Variants in VPS18 observed in about 807,000 individuals in gnomAD.
VPS18 encodes VPS18 core subunit of CORVET and HOPS complexes.
VPS18 carries 25 observed loss-of-function variants against 82.0 expected under a neutral mutation model. The ratio of observed to expected loss-of-function variants is 0.30; its 90% CI spans 0.22 to 0.43. The LOEUF (loss-of-function observed/expected upper bound fraction) is 0.43. Among genes scored for constraint, VPS18 ranks in the 20% least tolerant of loss-of-function variants. VPS18 has a pLI of 1.00. For synonymous variants in VPS18, 523 were observed against 543.0 expected (o/e 0.96, Z 0.51); for missense variants, 1,168 against 1,311.1 (o/e 0.89, Z 1.69).
intron 1 of VPS18, 146 bp downstream of exon 1, chr15:40,895,005 G>A: frequency 2.5e-6 from 2 of 801,600 alleles, no homozygotes; most frequent in Non-Finnish European, 3.7e-6. Context: ...AGGCTCTCTT[G>A]GCCCCCAGCT....
chr15:40,895,969 G>A lies in VPS18; in HGVS notation c.123G>A (p.Val41=). 2 of 1,614,168 alleles carry A rather than the reference G, an allele frequency of 1.2e-6. No homozygotes were observed. The highest frequency in any genetic ancestry group is 1.7e-5 in the Admixed American group (1 of 60,014). ...GYVNAQLEKE[V]PIFTKQRIDF... Reference sequence around the variant, plus strand: ...TGAATGCCCAGCTGGAGAAGGAAGTGCCCATCTTCACAAAGCAGCGCATTG... The same window carrying A: ...TGAATGCCCAGCTGGAGAAGGAAGTACCCATCTTCACAAAGCAGCGCATTG... Residue 41 remains valine (V), a synonymous_variant, in exon 2 of 5, where the codon GTG becomes GTA. Transcript: ENST00000220509.
Position 40,900,711 on chromosome 15 carries a change from G to A in VPS18, c.1893G>A (p.Val631=). ...LDARQLIPAL[V]NYSQGGEVQQ... is the part of the protein sequence containing the mutation. ...CTCGTCAGCTCATTCCTGCCCTGGT[G>A]AACTACAGCCAGGGTGGTGAGGTCC... Residue 631 remains valine (V), a synonymous_variant, in exon 4 of 5, where the codon GTG becomes GTA. Coordinates refer to ENST00000220509, the MANE Select transcript of VPS18 (RefSeq NM_020857.3). This position sits in a 1 kb window ranked among gnomAD's most constrained non-coding sequence, Gnocchi z 5.4. 2.5e-6 allele frequency: 4 copies of A among 1,614,224 alleles called. No homozygotes were observed. The highest frequency in any genetic ancestry group is 2.7e-5 in the African/African-American group (2 of 75,064).
At position 40,894,645 on chromosome 15, in the gene VPS18, A is replaced by G; in HGVS notation, c.-124A>G. 3 of 839,730 alleles carry G rather than the reference A, an allele frequency of 3.6e-6. No individual in the cohort carries two copies. Among genetic ancestry groups the G allele is most frequent in the Non-Finnish European group, 5.3e-6 (3 of 566,024 alleles). The allele number at this position is 839,730 out of a possible 1,614,324, so 52.0% of individuals were successfully genotyped here. A position where few individuals can be genotyped will look rare whatever the true frequency, so the allele number is the denominator to read the frequency against. On this transcript the variant is annotated 5_prime_UTR_variant, in exon 1 of 5. Transcript: ENST00000220509. ...ATTTTAAAGAGGAGGCGACGGCTGC[A>G]GGTTCCCAGGATCTGTCAGAGGCTG...
At position 40,900,414 on chromosome 15, in the gene VPS18, C is replaced by G; in HGVS notation, c.1596C>G (p.His532Gln). Reference sequence around the variant, plus strand: ...GAACCTTCCTCAGCAGCCCCCGCCACAAAGAGTGGCTCTTTGCCAGCCGGG... The same window carrying G: ...GAACCTTCCTCAGCAGCCCCCGCCAGAAAGAGTGGCTCTTTGCCAGCCGGG... ...CFRTFLSSPR[H>Q]KEWLFASRAS... The change falls in exon 4 of 5, where the codon CAC becomes CAG. Residue 532 changes from histidine to glutamine, a missense_variant. Coordinates refer to ENST00000220509, the MANE Select transcript of VPS18 (RefSeq NM_020857.3). This position sits in a 1 kb window ranked among gnomAD's most constrained non-coding sequence, Gnocchi z 5.4. 6.2e-7 allele frequency: 1 copy of G among 1,614,042 alleles called. No homozygotes were observed. Among genetic ancestry groups the G allele is most frequent in the African/African-American group, 1.3e-5 (1 of 75,050 alleles).
At chr15:40,898,877 C>T (rs963674056) in intron 2 of VPS18, 30 bp from the exon 3 acceptor site, 3 of 1,604,986 alleles carry the variant, frequency 1.9e-6, no homozygotes, top group Non-Finnish European at 2.6e-6. Flanking sequence ...CTTCCCTTCT[C>T]TAAAGTGATG....
intron 1 of VPS18, 101 bp downstream of exon 1, chr15:40,894,960 C>T: frequency 8.4e-7 from 1 of 1,192,644 alleles, no homozygotes; most frequent in South Asian, 1.5e-5. Context: ...ATCCCCTGGG[C>T]CGTGCCTTCC....
At chr15:40,897,367 G>A (rs962372916) in intron 2 of VPS18, among the ~76,000 whole-genome samples, 3 of 151,570 alleles carry the variant, frequency 2.0e-5, no homozygotes, top group South Asian at 2.1e-4. Context: ...GAGCTATATC[G>A]ATTGACTAGT....
chr15:40,900,724 G>A lies in VPS18; in HGVS notation c.1906G>A (p.Gly636Ser), dbSNP rs373439770. ...LIPALVNYSQ[G>S]GEVQQVSQAI... Reference sequence around the variant, plus strand: ...TCCTGCCCTGGTGAACTACAGCCAGGGTGGTGAGGTCCAGCAGGTGAGCCA... The same window carrying A: ...TCCTGCCCTGGTGAACTACAGCCAGAGTGGTGAGGTCCAGCAGGTGAGCCA... The change falls in exon 4 of 5, where the codon GGT (glycine) becomes AGT (serine). Residue 636 changes from glycine to serine, a missense_variant. Gly to Ser is a moderately conservative substitution (Grantham distance 56, BLOSUM62 0). This residue lies in a region of VPS18 where 868 missense variants were observed against 939.8 expected (regional missense o/e 0.92). Coordinates refer to ENST00000220509, the MANE Select transcript of VPS18 (RefSeq NM_020857.3). This position sits in a 1 kb window ranked among gnomAD's most constrained non-coding sequence, Gnocchi z 5.4. 5.6e-6 allele frequency: 9 copies of A among 1,614,088 alleles called. No homozygotes were observed. The highest frequency in any genetic ancestry group is 7.6e-6 in the Non-Finnish European group (9 of 1,180,046).
At chr15:40,895,742 G>T (rs1892218351) in intron 1 of VPS18, among the ~76,000 whole-genome samples, 196 bp from the exon 2 acceptor site, 1 of 152,208 alleles carries the variant, frequency 6.6e-6, no homozygotes, top group African/African-American at 2.4e-5. Flanking sequence ...TGCTGTCAGA[G>T]TGTGGAAAGA....
In VPS18 at chr15:40,900,439, G is replaced by A; in HGVS notation, c.1621G>A (p.Ala541Thr). The change falls in exon 4 of 5, where the codon GCC becomes ACC. Residue 541 changes from alanine to threonine, a missense_variant. Transcript: ENST00000220509. This position sits in a 1 kb window ranked among gnomAD's most constrained non-coding sequence, Gnocchi z 5.4. The part of the protein sequence containing the change: ...RHKEWLFASR[A>T]SIHELLASHG... ...CAAAGAGTGGCTCTTTGCCAGCCGG[G>A]CCTCTATCCATGAGCTGCTCGCCAG... 1.2e-6 allele frequency: 2 copies of A among 1,614,024 alleles called. No homozygotes were observed. The highest frequency in any genetic ancestry group is 1.7e-6 in the Non-Finnish European group (2 of 1,180,010).
In VPS18 at chr15:40,900,577, G is replaced by A. The variant is rs777380939; in HGVS notation, c.1759G>A (p.Ala587Thr). ...CTACGAGGAGGCCCTGGCCGTGCTC[G>A]CCCGCCACCGTGACCCCCAGCTCTT... The part of the protein sequence containing the change: ...EAYEEALAVL[A>T]RHRDPQLFYK... Residue 587 changes from alanine (A) to threonine (T), a missense_variant, in exon 4 of 5, where the codon GCC (alanine) becomes ACC (threonine). Coordinates refer to ENST00000220509, the MANE Select transcript of VPS18 (RefSeq NM_020857.3). The surrounding 1 kb of genome is among the most constrained non-coding windows in gnomAD (Gnocchi z 5.4). 15 of 1,613,632 alleles carry A rather than the reference G, an allele frequency of 9.3e-6. No individual in the cohort carries two copies. The highest frequency in any genetic ancestry group is 2.2e-5 in the East Asian group (1 of 44,888).
Position 40,894,652 on chromosome 15 carries a change from C to T in VPS18, c.-117C>T. ...AGAGGAGGCGACGGCTGCAGGTTCC[C>T]AGGATCTGTCAGAGGCTGGGGAGTT... On this transcript the variant is annotated 5_prime_UTR_variant, in exon 1 of 5. Transcript: ENST00000220509. 1 of 960,354 alleles carries T rather than the reference C, an allele frequency of 1.0e-6. No individual in the cohort carries two copies. The highest frequency in any genetic ancestry group is 3.0e-5 in the East Asian group (1 of 33,612). The allele number at this position is 960,354 out of a possible 1,614,324, so 59.5% of individuals were successfully genotyped here.
At position 40,902,842 on chromosome 15, in the gene VPS18, C is replaced by A; in HGVS notation, c.2423C>A (p.Ser808Ter). ...CACTTCAAGGAGGCGATCTGCAGCT[C>A]ACTTAAGGCCTACAACCACCACATC... ...IDHFKEAICS[S>*]LKAYNHHIQE... Residue 808 changes from serine to a stop codon, truncating the protein, a stop_gained, in exon 5 of 5, where the codon TCA (serine) becomes TAA (stop). Coordinates refer to ENST00000220509, the MANE Select transcript of VPS18 (RefSeq NM_020857.3). LOFTEE classifies it high-confidence loss of function. This position sits in a 1 kb window ranked among gnomAD's most constrained non-coding sequence, Gnocchi z 4.2. 1.2e-6 allele frequency: 2 copies of A among 1,614,250 alleles called. No homozygotes were observed. The highest frequency in any genetic ancestry group is 1.7e-6 in the Non-Finnish European group (2 of 1,180,048).
chr15:40,900,774 C>A lies in VPS18; in HGVS notation c.1956C>A (p.Cys652Ter), dbSNP rs140514025. The A allele has an allele frequency of 6.2e-7, 1 of 1,614,204 alleles. No homozygotes were observed. Among genetic ancestry groups the A allele is most frequent in the South Asian group, 1.1e-5 (1 of 91,082 alleles). The stretch of plus-strand genomic sequence containing the variant: ...AGGCCATCCGCTACATGGAGTTCTG[C>A]GTGAACGTGCTGGGGGAGACTGAGC... ...VSQAIRYMEF[C>*]VNVLGETEQA... is the part of the protein sequence containing the mutation. The change falls in exon 4 of 5, where the codon TGC becomes TGA. Residue 652 changes from cysteine to a stop codon, truncating the protein, a stop_gained. Coordinates refer to ENST00000220509, the MANE Select transcript of VPS18 (RefSeq NM_020857.3). LOFTEE classifies it high-confidence loss of function. The surrounding 1 kb of genome is among the most constrained non-coding windows in gnomAD (Gnocchi z 5.4).
rs1892225179 is a variant in VPS18 at position 40,896,079 on chromosome 15, G to A, written c.233G>A (p.Arg78His). The change falls in exon 2 of 5, where the codon CGC (arginine) becomes CAC (histidine). Residue 78 changes from arginine to histidine, a missense_variant and splice_region_variant. By Grantham distance (29) the Arg-to-His change is conservative (BLOSUM62 0). Coordinates refer to ENST00000220509, the MANE Select transcript of VPS18 (RefSeq NM_020857.3). ...AGCCTGGGCAAGGATACACTGCTCC[G>A]GTAATCAAGAGCTCACAGAGCTTAG... ...CMSLGKDTLL[R>H]IDLGKANEPN... 1.9e-6 allele frequency: 3 copies of A among 1,614,148 alleles called. No individual in the cohort carries two copies. Among genetic ancestry groups the A allele is most frequent in the Middle Eastern group, 1.7e-4 (1 of 6,060 alleles).
rs757903252 is a variant in VPS18 at position 40,900,425 on chromosome 15, T to C, written c.1607T>C (p.Leu536Pro). 6.2e-7 allele frequency: 1 copy of C among 1,613,654 alleles called. No homozygotes were observed. Among genetic ancestry groups the C allele is most frequent in the African/African-American group, 1.3e-5 (1 of 74,812 alleles). ...AGCAGCCCCCGCCACAAAGAGTGGC[T>C]CTTTGCCAGCCGGGCCTCTATCCAT... ...FLSSPRHKEW[L>P]FASRASIHEL... The change falls in exon 4 of 5, where the codon CTC becomes CCC. Residue 536 changes from leucine to proline, a missense_variant. Coordinates refer to ENST00000220509, the MANE Select transcript of VPS18 (RefSeq NM_020857.3). This position sits in a 1 kb window ranked among gnomAD's most constrained non-coding sequence, Gnocchi z 5.4.
chr15:40,895,805 T>G, intron 1 of VPS18, 133 bp from the exon 2 acceptor site: 1 of 1,263,302 alleles, frequency 7.9e-7, no homozygotes, highest in Non-Finnish European at 1.1e-6. Flanking sequence ...TATCAAACTA[T>G]TTGTTAACCA....
In VPS18 at chr15:40,899,498, G is replaced by T. The variant is rs1442278644; in HGVS notation, c.680G>T (p.Arg227Leu). 1.2e-6 allele frequency: 2 copies of T among 1,611,430 alleles called. No individual in the cohort carries two copies. Among genetic ancestry groups the T allele is most frequent in the Non-Finnish European group, 1.7e-6 (2 of 1,179,660 alleles). ...RSFVIATTRQ[R>L]LFQFIGRAAE... is the part of the protein sequence containing the mutation. ...TTTGTTATTGCCACCACTCGGCAGC[G>T]CCTCTTCCAGTTCATAGGCCGAGCA... The change falls in exon 4 of 5, where the codon CGC becomes CTC. Residue 227 changes from arginine to leucine, a missense_variant. Around this residue, in one of 3 missense-constraint regions of VPS18, gnomAD observed 868 missense variants for 939.8 expected, o/e 0.92. Coordinates refer to ENST00000220509, the MANE Select transcript of VPS18 (RefSeq NM_020857.3). The surrounding 1 kb of genome is among the most constrained non-coding windows in gnomAD (Gnocchi z 4.4).
chr15:40,894,537 A>G lies in VPS18; in HGVS notation c.-232A>G, dbSNP rs896152406. ...TTTTTTTGTAGCGGGGGCGGGGAGT[A>G]AGGTGCAAGACTGCGCCAGATTCAA... On this transcript the variant is annotated 5_prime_UTR_variant, in exon 1 of 5. Transcript: ENST00000220509. 7.4e-6 allele frequency: 3 copies of G among 403,810 alleles called. No homozygotes were observed. In the Admixed American group the frequency reaches 1.3e-4, roughly 18 times the overall value. 25.0% of individuals were successfully genotyped at this position (403,810 alleles called of 1,614,324 possible).
Sources: allele counts gnomAD v4.1 joint callset (sites outside exome capture counted in the v4.1 genomes callset), GRCh38; gene constraint gnomAD v4.1.1; regional missense constraint gnomAD v4.1.1; non-coding constraint Gnocchi (gnomAD v3.1); transcripts MANE v1.5; gene names NCBI Gene and HGNC (gene_info 2026-07-23, HGNC 2026-07-21).